The following PCDH15 variants were observed in gnomAD, a reference collection of about 807,000 sequenced individuals.
PCDH15 encodes protocadherin-15.
A neutral mutation model predicts 178.5 loss-of-function variants in PCDH15; 129 were observed. That is an observed-to-expected ratio of 0.72 (90% confidence interval 0.63 to 0.84). The LOEUF is 0.84. Ranked by LOEUF, PCDH15 falls within the 40% of genes least tolerant of loss-of-function variation. PCDH15 has a pLI of 0.00. For missense variants in PCDH15, 2,230 were observed against 2,099.9 expected, an observed-to-expected ratio of 1.06 and a Z score of -1.21; for synonymous variants, 800 against 732.0, an observed-to-expected ratio of 1.09 and a Z score of -1.50.
At chr10:54,301,110 C>CTTTTTG (rs1212121514) in intron 8 of PCDH15, among the ~76,000 whole-genome samples, 10 of 112,248 alleles carry the variant, frequency 8.9e-5, no homozygotes, top group Non-Finnish European at 1.6e-4. Flanking sequence ...AAGGAAGAAA[C>CTTTTTG]TCCAGACAGA....
Position 54,604,943 on chromosome 10 carries a change from G to A in PCDH15, c.91+59229C>T, listed in dbSNP as rs558663443. Among the ~76,000 whole-genome samples, 49 of 150,946 alleles carry A rather than the reference G, an allele frequency of 3.2e-4. 1 individual carries two copies. In the South Asian group the frequency reaches 8.8e-3, roughly 27 times the overall value. On this transcript the variant is annotated intron_variant, in intron 2 of 37. Transcript: ENST00000644397. ...GTAGATTTTCTTTTTTAAGTACTAT[G>A]GCTATTTTCTGTGTGAATGACATGA...
chr10:54,952,058 A>G (rs1466923027), intron 2 of PCDH15, among the ~76,000 whole-genome samples: 1 of 151,826 alleles, frequency 6.6e-6, no homozygotes. Context: ...AAATTCAGCT[A>G]TTCAAGTTTG....
chr10:53,957,647 C>T (rs1488364978), intron 23 of PCDH15, among the ~76,000 whole-genome samples: 1 of 151,982 alleles, frequency 6.6e-6, no homozygotes, highest in Non-Finnish European at 1.5e-5. Flanking sequence ...GAATGCCATA[C>T]AATTTAAAAC....
At chr10:55,030,763 T>C (rs530940528) in intron 2 of PCDH15, among the ~76,000 whole-genome samples, 1 of 152,224 alleles carries the variant, frequency 6.6e-6, no homozygotes, top group East Asian at 1.9e-4. Context: ...ATAGAAAAAT[T>C]GCATTAGAAA....
At chr10:55,547,825 G>A (rs908990230) in intron 2 of PCDH15, among the ~76,000 whole-genome samples, 1 of 151,492 alleles carries the variant, frequency 6.6e-6, no homozygotes, top group East Asian at 2.0e-4. Flanking sequence ...GTGTAGGAGG[G>A]GTCCTGCTAC....
At chr10:55,011,951 C>G (rs539120794) in intron 2 of PCDH15, among the ~76,000 whole-genome samples, 7 of 152,114 alleles carry the variant, frequency 4.6e-5, no homozygotes, top group Non-Finnish European at 8.8e-5. Flanking sequence ...TCCAGAACAT[C>G]CAAACAATAC....
At chr10:55,442,637 T>C (rs1411172981) in intron 2 of PCDH15, among the ~76,000 whole-genome samples, 1 of 150,898 alleles carries the variant, frequency 6.6e-6, no homozygotes, top group Non-Finnish European at 1.5e-5. Context: ...TCTGAAACTT[T>C]TAATTAATTA....
At chr10:53,897,089 G>A (rs562514141) in intron 26 of PCDH15, among the ~76,000 whole-genome samples, 13 of 152,200 alleles carry the variant, frequency 8.5e-5, no homozygotes, top group South Asian at 8.3e-4. Flanking sequence ...GTTGGGGACC[G>A]CTGGTGTAGG....
intron 2 of PCDH15, among the ~76,000 whole-genome samples, chr10:55,422,192 C>T (rs1028954817): frequency 2.6e-5 from 4 of 151,652 alleles, no homozygotes; most frequent in Admixed American, 6.6e-5. Flanking sequence ...ATTTTCTGGA[C>T]GTTTTCAGAT....
chr10:55,468,053 A>C (rs577043889), intron 2 of PCDH15, among the ~76,000 whole-genome samples: 4 of 151,162 alleles, frequency 2.6e-5, no homozygotes, highest in Non-Finnish European at 5.9e-5. Context: ...CTTAACTGAG[A>C]GAATCATATC....
rs978414604 is a variant in PCDH15, at chr10:53,974,078, C to T, written c.2869-12186G>A. ...TGTCGTCCGGGCTGGAAGGCAGTGG[C>T]GTGATCTTGGCTCACTGCAACCTCC... On this transcript the variant is annotated intron_variant, in intron 21 of 37. Coordinates refer to ENST00000644397, the MANE Select transcript of PCDH15 (RefSeq NM_001384140.1). Among the ~76,000 whole-genome samples the T allele has an allele frequency of 6.6e-5, 10 of 152,232 alleles. No homozygotes were observed. The East Asian group carries it at 1.7e-3, about 26-fold the overall frequency.
At chr10:53,879,819 G>A (rs1462389793) in intron 26 of PCDH15, among the ~76,000 whole-genome samples, 1 of 152,072 alleles carries the variant, frequency 6.6e-6, no homozygotes, top group African/African-American at 2.4e-5. Flanking sequence ...TGGCCAGGCT[G>A]GTCTTTAACT....
chr10:54,601,344 A>C (rs1173870421), intron 2 of PCDH15, among the ~76,000 whole-genome samples: 1 of 152,038 alleles, frequency 6.6e-6, no homozygotes, highest in African/African-American at 2.4e-5. Context: ...GAAAAAAACA[A>C]ACAGCCCCAC....
In PCDH15 at chr10:54,195,761, T is replaced by G. The variant is rs1455492681; in HGVS notation, c.1227A>C (p.Pro409=). The part of the protein sequence containing the change: ...SYQGYILESA[P]VGATISDSLN... ...GACTGTCCGAAATGGTTGCTCCCAC[T>G]GGGGCAGATTCCAGGATATAGCCTT... Residue 409 remains proline (P), a synonymous_variant, in exon 11 of 38, where the codon CCA becomes CCC. Transcript: ENST00000644397. 6.2e-7 allele frequency: 1 copy of G among 1,614,146 alleles called. No individual in the cohort carries two copies. The highest frequency in any genetic ancestry group is 1.7e-5 in the Admixed American group (1 of 60,020).
rs866282683 is a variant in PCDH15 at position 55,479,349 on chromosome 10, A to G, written c.-156+148276T>C. On this transcript the variant is annotated intron_variant, in intron 2 of 5. Coordinates refer to the PCDH15 transcript ENST00000613346. Reference sequence around the variant, plus strand: ...AAGATGATTCAACATATGCAAATCAATAAACATGATATATTATATCAACAG... The same window carrying G: ...AAGATGATTCAACATATGCAAATCAGTAAACATGATATATTATATCAACAG... Among the ~76,000 whole-genome samples, 6 of 151,942 alleles carry G rather than the reference A, an allele frequency of 3.9e-5. No individual in the cohort carries two copies. The Middle Eastern group carries it at 0.01, about 258-fold the overall frequency.
At chr10:53,922,917 C>G (rs1416938379) in intron 25 of PCDH15, among the ~76,000 whole-genome samples, 1 of 152,008 alleles carries the variant, frequency 6.6e-6, no homozygotes, top group Non-Finnish European at 1.5e-5. Context: ...GGAACCCCAT[C>G]TCTACTAAAA....
chr10:54,509,642 C>A (rs538384743), intron 3 of PCDH15, among the ~76,000 whole-genome samples: 1 of 152,244 alleles, frequency 6.6e-6, no homozygotes, highest in Admixed American at 6.6e-5. Flanking sequence ...CTGCTGAATG[C>A]AGCAAAGGCC....
At chr10:55,362,921 C>T (rs1198099020) in intron 2 of PCDH15, among the ~76,000 whole-genome samples, 1 of 152,048 alleles carries the variant, frequency 6.6e-6, no homozygotes, top group African/African-American at 2.4e-5. Context: ...TTGTCTTGGG[C>T]CACACATAAA....
intron 2 of PCDH15, among the ~76,000 whole-genome samples, chr10:55,025,723 G>C (rs1183280211): frequency 1.3e-5 from 2 of 151,874 alleles, no homozygotes; most frequent in Non-Finnish European, 2.9e-5. Flanking sequence ...TACTTGTATA[G>C]AAGAGTTACA....
Sources: gnomAD v4.1 joint callset for allele counts (sites outside exome capture counted in the v4.1 genomes callset) on GRCh38, gnomAD v4.1.1 for gene constraint, MANE v1.5 for transcripts, NCBI Gene and HGNC (gene_info 2026-07-23, HGNC 2026-07-21) for gene names.